The following ACVR2B variants were observed in gnomAD, a reference collection of about 807,000 sequenced individuals.
ACVR2B encodes activin A receptor type 2B.
Under a neutral mutation model 65.1 loss-of-function variants are expected in ACVR2B, and 18 were observed. The observed-to-expected ratio is 0.28, with a 90% CI of 0.19 to 0.41. The LOEUF is 0.41. Ranked by LOEUF, ACVR2B falls within the 10% of genes least tolerant of loss-of-function variation. The pLI is 1.00. For synonymous variants in ACVR2B, 298 were observed against 277.7 expected (o/e 1.07, Z -0.73); for missense variants, 482 against 682.7 (o/e 0.71, Z 3.28).
Position 38,483,167 on chromosome 3 carries a change from G to C in ACVR2B, c.1374G>C (p.Glu458Asp). ...TGGCCCAGCTTTGTGTGACCATCGA[G>C]GAGTGCTGGGACCATGATGCAGAGG... ...PGLAQLCVTIEECWDHDAEAR... is the reference protein window; with the variant it reads ...PGLAQLCVTIDECWDHDAEAR... Residue 458 changes from glutamate (E) to aspartate (D), a missense_variant, in exon 11 of 11, where the codon GAG becomes GAC. Glu to Asp is a conservative substitution (Grantham distance 45, BLOSUM62 2). Coordinates refer to ENST00000352511, the MANE Select transcript of ACVR2B (RefSeq NM_001106.4). The surrounding 1 kb of genome is among the most constrained non-coding windows in gnomAD (Gnocchi z 4.8). 1 of 1,614,184 alleles carries C rather than the reference G, an allele frequency of 6.2e-7. No homozygotes were observed. The highest frequency in any genetic ancestry group is 8.5e-7 in the Non-Finnish European group (1 of 1,180,024).
At chr3:38,455,732 T>C (rs1040597545) in intron 1 of ACVR2B, among the ~76,000 whole-genome samples, 1 of 152,202 alleles carries the variant, frequency 6.6e-6, no homozygotes, top group Non-Finnish European at 1.5e-5. Context: ...AGCCGCTTCT[T>C]GGAGGCGAAG....
In ACVR2B at chr3:38,483,091, AAG is replaced by A. The variant is rs1710046787; in HGVS notation, c.1345-46_1345-45del. On this transcript the variant is annotated intron_variant, in intron 10 of 10. Transcript: ENST00000352511. The surrounding 1 kb of genome is among the most constrained non-coding windows in gnomAD (Gnocchi z 4.8). ...TGTCCCCCAAAGCTTTTCCTCACTGAAGGGTCCTAACAAAGGTGTCTTTCCTG... is the reference window on the plus strand; with the variant it reads ...TGTCCCCCAAAGCTTTTCCTCACTGAGGTCCTAACAAAGGTGTCTTTCCTG... 4 of 1,608,146 alleles carry A rather than the reference AAG, an allele frequency of 2.5e-6. No homozygotes were observed. In the Admixed American group the frequency reaches 5.0e-5, roughly 20 times the overall value.
At chr3:38,474,396 AG>A (rs1230715115) in intron 1 of ACVR2B, 46 of 152,570 alleles carry the variant, frequency 3.0e-4, no homozygotes, top group African/African-American at 9.9e-4. Flanking sequence ...TTGAGGACCT[AG>A]GGCTTGGGCT....
In ACVR2B at chr3:38,472,082, G is replaced by A. The variant is rs539360133; in HGVS notation, c.53-5205G>A. ...ATGCCGCTCCACAGTGTGCATACAC[G>A]TGTGTGCATGTGTCAGTGTCTTTAT... On this transcript the variant is annotated intron_variant, in intron 1 of 10. Transcript: ENST00000352511. 1.2e-4 allele frequency among the ~76,000 whole-genome samples: 18 copies of A among 152,262 alleles called. No homozygotes were observed. In the South Asian group the frequency reaches 1.9e-3, roughly 16 times the overall value.
intron 1 of ACVR2B, among the ~76,000 whole-genome samples, chr3:38,460,892 A>G (rs1172938611): frequency 6.6e-6 from 1 of 152,218 alleles, no homozygotes; most frequent in Non-Finnish European, 1.5e-5. Flanking sequence ...GAGAAGGAAA[A>G]GGAAGGCTGG....
chr3:38,457,699 C>G (rs1218103732), intron 1 of ACVR2B, among the ~76,000 whole-genome samples: 2 of 152,168 alleles, frequency 1.3e-5, no homozygotes, highest in Admixed American at 1.3e-4. Flanking sequence ...AGTGAAGTGA[C>G]CAGAGCTCTT....
chr3:38,489,186 T>C lies in ACVR2B; in HGVS notation c.*5854T>C, dbSNP rs1228708981. ...TCATGTTTGCGTCAGAATGTTAGCA[T>C]TGTAAATAAAAGAATAGGTTGTATA... On this transcript the variant is annotated 3_prime_UTR_variant, in exon 11 of 11. Coordinates refer to ENST00000352511, the MANE Select transcript of ACVR2B (RefSeq NM_001106.4). 6.6e-6 allele frequency: 1 copy of C among 152,594 alleles called. No individual in the cohort carries two copies. Among genetic ancestry groups the C allele is most frequent in the Non-Finnish European group, 1.5e-5 (1 of 68,044 alleles). The allele number at this position is 152,594 out of a possible 1,614,324, so 9.5% of individuals were successfully genotyped here. A position where few individuals can be genotyped will look rare whatever the true frequency, so the allele number is the denominator to read the frequency against.
Position 38,481,518 on chromosome 3 carries a change from T to C in ACVR2B, c.1074+53T>C, listed in dbSNP as rs1710017618. 2 of 1,491,342 alleles carry C rather than the reference T, an allele frequency of 1.3e-6. No individual in the cohort carries two copies. Among genetic ancestry groups the C allele is most frequent in the South Asian group, 1.1e-5 (1 of 88,626 alleles). The allele number at this position is 1,491,342 out of a possible 1,614,324, so 92.4% of individuals were successfully genotyped here. ...AGGGACAGACCCAGGGTAGATACTT[T>C]GCCCTTTTTGTGCTCAGCTGGGGAG... On this transcript the variant is annotated intron_variant, in intron 8 of 10. Transcript: ENST00000352511. The surrounding 1 kb of genome is among the most constrained non-coding windows in gnomAD (Gnocchi z 4.7).
rs1190170609 is a variant in ACVR2B at position 38,489,501 on chromosome 3, G to T, written c.*6169G>T. 6.6e-6 allele frequency: 1 copy of T among 152,502 alleles called. No individual in the cohort carries two copies. The highest frequency in any genetic ancestry group is 2.4e-5 in the African/African-American group (1 of 41,414). 9.4% of individuals were successfully genotyped at this position (152,502 alleles called of 1,614,324 possible). On this transcript the variant is annotated 3_prime_UTR_variant, in exon 11 of 11. Coordinates refer to ENST00000352511, the MANE Select transcript of ACVR2B (RefSeq NM_001106.4). Reference sequence around the variant, plus strand: ...GGAGTCAATTTGCGGGTCTTTTTTGGCCAAAACTCCACTTGTGGTTGTGTA... The same window carrying T: ...GGAGTCAATTTGCGGGTCTTTTTTGTCCAAAACTCCACTTGTGGTTGTGTA...
At chr3:38,454,810 C>T (rs3749388) in intron 1 of ACVR2B, 8,374 of 155,774 alleles carry the variant, frequency 0.054, 406 homozygotes, top group East Asian at 0.19. Flanking sequence ...CTCAGAGTCA[C>T]TAAGTGTAGC....
chr3:38,475,448 A>G (rs960749534), intron 1 of ACVR2B: 2 of 152,190 alleles, frequency 1.3e-5, no homozygotes, highest in African/African-American at 4.8e-5. Context: ...GTGGCTGGGC[A>G]CTGCCATTCT....
At chr3:38,461,758 G>A (rs1709651185) in intron 1 of ACVR2B, among the ~76,000 whole-genome samples, 1 of 152,096 alleles carries the variant, frequency 6.6e-6, no homozygotes, top group Non-Finnish European at 1.5e-5. Flanking sequence ...CAGAAATTTA[G>A]ATGTTACAGA....
intron 1 of ACVR2B, among the ~76,000 whole-genome samples, chr3:38,468,170 A>T (rs991473940): frequency 2.6e-4 from 40 of 152,312 alleles, no homozygotes; most frequent in African/African-American, 9.4e-4. Context: ...ATGAGCCACC[A>T]TGCGGGCCTG....
In ACVR2B at chr3:38,488,375, A is replaced by G. The variant is rs1710157358; in HGVS notation, c.*5043A>G. 6.6e-6 allele frequency: 1 copy of G among 152,220 alleles called. No homozygotes were observed. Among genetic ancestry groups the G allele is most frequent in the Admixed American group, 6.5e-5 (1 of 15,284 alleles). The allele number at this position is 152,220 out of a possible 1,614,324, so 9.4% of individuals were successfully genotyped here. A position where few individuals can be genotyped will look rare whatever the true frequency, so the allele number is the denominator to read the frequency against. On this transcript the variant is annotated 3_prime_UTR_variant, in exon 11 of 11. Transcript: ENST00000352511. ...GTATCCCAAACCTTTAGAAGATTGG[A>G]AAAGATTTTTGAAATAATGATTTAG...
At chr3:38,459,944 A>G (rs1427785212) in intron 1 of ACVR2B, among the ~76,000 whole-genome samples, 1 of 152,160 alleles carries the variant, frequency 6.6e-6, no homozygotes, top group East Asian at 1.9e-4. Flanking sequence ...TTGGCTAGGG[A>G]ACGCTTCTGT....
chr3:38,465,099 T>C (rs1313228979), intron 1 of ACVR2B, among the ~76,000 whole-genome samples: 1 of 151,890 alleles, frequency 6.6e-6, no homozygotes, highest in Non-Finnish European at 1.5e-5. Flanking sequence ...TATACATATT[T>C]AAAAATAGAA....
intron 6 of ACVR2B, 117 bp downstream of exon 6, chr3:38,479,388 G>A (rs768528311): frequency 1.6e-5 from 23 of 1,473,758 alleles, no homozygotes; most frequent in Admixed American, 1.6e-4. Context: ...ACTCTGCCCC[G>A]GTAGCACTAT....
chr3:38,455,394 C>T (rs2125710969), intron 1 of ACVR2B, among the ~76,000 whole-genome samples: 1 of 152,250 alleles, frequency 6.6e-6, no homozygotes, highest in South Asian at 2.1e-4. Flanking sequence ...TGTTCCCAGC[C>T]CCCATTACAC....
chr3:38,483,345 A>C lies in ACVR2B; in HGVS notation c.*13A>C, dbSNP rs542206637. The C allele has an allele frequency of 6.2e-6, 10 of 1,613,994 alleles. No homozygotes were observed. In the Admixed American group the frequency reaches 1.7e-4, roughly 27 times the overall value. On this transcript the variant is annotated 3_prime_UTR_variant, in exon 11 of 11. Coordinates refer to ENST00000352511, the MANE Select transcript of ACVR2B (RefSeq NM_001106.4). This position sits in a 1 kb window ranked among gnomAD's most constrained non-coding sequence, Gnocchi z 4.8. ...GTCAAGCATCTAAGCCCAGGACATG[A>C]GTGTCTGTCCAGACTCAGTGGATCT...
Sources: gnomAD v4.1 joint callset for allele counts (sites outside exome capture counted in the v4.1 genomes callset) on GRCh38, gnomAD v4.1.1 for gene constraint, Gnocchi (gnomAD v3.1) non-coding constraint, MANE v1.5 for transcripts, NCBI Gene and HGNC (gene_info 2026-07-23, HGNC 2026-07-21) for gene names.